CCDC7: variants seen among roughly 807,000 people sequenced by gnomAD.
The protein encoded by CCDC7 is coiled-coil domain containing 7, also known as coiled-coil domain-containing protein 7.
Under a neutral mutation model 196.9 loss-of-function variants are expected in CCDC7, and 183 were observed. The ratio of observed to expected loss-of-function variants is 0.93; its 90% confidence interval spans 0.82 to 1.05. The LOEUF (loss-of-function observed/expected upper bound fraction) is 1.05. Among genes scored for constraint, CCDC7 ranks in the 50% least tolerant of loss-of-function variants. The pLI is 0.00. For synonymous variants in CCDC7, 525 were observed against 484.6 expected, an observed-to-expected ratio of 1.08 and a Z score of -1.10; for missense variants, 1,540 against 1,482.2, an observed-to-expected ratio of 1.04 and a Z score of -0.64.
At chr10:32,633,339 C>T (rs969156119) in intron 18 of CCDC7, among the ~76,000 whole-genome samples, 1 of 152,150 alleles carries the variant, frequency 6.6e-6, no homozygotes, top group Non-Finnish European at 1.5e-5. Context: ...TCCAGTTTAT[C>T]CTCTCAGGTC....
intron 22 of CCDC7, among the ~76,000 whole-genome samples, chr10:32,688,036 A>G (rs541473650): frequency 5.3e-5 from 8 of 152,178 alleles, no homozygotes; most frequent in Non-Finnish European, 1.0e-4. Flanking sequence ...ATGATAGCCT[A>G]TAGAGAAAGG....
chr10:32,648,215 G>C (rs2068112399), intron 20 of CCDC7, among the ~76,000 whole-genome samples: 1 of 152,164 alleles, frequency 6.6e-6, no homozygotes, highest in African/African-American at 2.4e-5. Flanking sequence ...GTACCAAACT[G>C]TTTTGGTTAT....
At chr10:32,510,188 GA>G (rs2045890822) in intron 9 of CCDC7, among the ~76,000 whole-genome samples, 1 of 152,144 alleles carries the variant, frequency 6.6e-6, no homozygotes, top group African/African-American at 2.4e-5. Context: ...TCACCCTTAA[GA>G]AATTAGAAAA....
chr10:32,531,314 A>AG (rs1324385483), intron 11 of CCDC7, among the ~76,000 whole-genome samples: 1 of 152,080 alleles, frequency 6.6e-6, no homozygotes, highest in African/African-American at 2.4e-5. Flanking sequence ...TACAGAGATG[A>AG]GGTCTCACTA....
rs866309894 is a variant in CCDC7, at chr10:32,534,455, G to A, written c.994-8845G>A. 5.9e-5 allele frequency among the ~76,000 whole-genome samples: 9 copies of A among 152,218 alleles called. No individual in the cohort carries two copies. The South Asian group carries it at 8.3e-4, about 14-fold the overall frequency. On this transcript the variant is annotated intron_variant, in intron 11 of 41. Coordinates refer to ENST00000639629, the Ensembl canonical transcript of CCDC7. ...GGGAGGTTATGATTTCTTGTTTGCT[G>A]TTGTTTCTTGTGGGTATATGCCTGT...
At chr10:32,804,134 T>C (rs1217905137) in intron 29 of CCDC7, among the ~76,000 whole-genome samples, 2 of 152,184 alleles carry the variant, frequency 1.3e-5, no homozygotes, top group African/African-American at 4.8e-5. Flanking sequence ...AGGTTTCTAG[T>C]AGGCACATGT....
chr10:32,850,557 A>G (rs1014631468), intron 39 of CCDC7, among the ~76,000 whole-genome samples: 4 of 152,178 alleles, frequency 2.6e-5, no homozygotes, highest in African/African-American at 9.7e-5. Context: ...CACTGAAATC[A>G]ATCCACCACA....
At chr10:32,719,498 T>C (rs2082090816) in intron 25 of CCDC7, among the ~76,000 whole-genome samples, 1 of 152,026 alleles carries the variant, frequency 6.6e-6, no homozygotes, top group African/African-American at 2.4e-5. Flanking sequence ...CAAAGGCAAT[T>C]GCAATAAAAG....
exon 23 of CCDC7, chr10:32,689,132 A>G (rs757375448): frequency 1.3e-6 from 2 of 1,599,840 alleles, no homozygotes; most frequent in Non-Finnish European, 1.7e-6. Context: ...AAGTGAAGGA[A>G]CAAAGAACTC....
At chr10:32,879,170 C>T (rs2094697980), downstream of CCDC7, among the ~76,000 whole-genome samples, 1 of 151,742 alleles carries the variant, frequency 6.6e-6, no homozygotes, top group Admixed American at 6.6e-5. Context: ...TCATCCTTAT[C>T]CTTTTTTAAA....
At chr10:32,678,940 A>T (rs11814696) in intron 21 of CCDC7, among the ~76,000 whole-genome samples, 8,085 of 152,236 alleles carry the variant, frequency 0.053, 718 homozygotes, top group African/African-American at 0.18. Flanking sequence ...TGTGGAAGAA[A>T]GAGGGCTGGG....
chr10:32,727,603 G>A (rs1164272604), intron 26 of CCDC7, among the ~76,000 whole-genome samples: 10 of 152,058 alleles, frequency 6.6e-5, no homozygotes, highest in Non-Finnish European at 1.5e-4. Context: ...TGTCTCTACA[G>A]GCATCATTCA....
At chr10:32,785,749 C>G (rs952247299) in intron 29 of CCDC7, among the ~76,000 whole-genome samples, 6 of 152,086 alleles carry the variant, frequency 3.9e-5, no homozygotes, top group Non-Finnish European at 5.9e-5. Context: ...GGAAAGGTGG[C>G]ATTTGTAGTG....
chr10:32,557,326 G>A (rs2370782), intron 13 of CCDC7, among the ~76,000 whole-genome samples: 37,714 of 150,124 alleles, frequency 0.25, 5,336 homozygotes, highest in South Asian at 0.44. Context: ...TTTTACGTGA[G>A]CATGATTTTC....
chr10:32,472,866 G>T (rs778600412), intron 7 of CCDC7, among the ~76,000 whole-genome samples: 3 of 152,270 alleles, frequency 2.0e-5, no homozygotes, highest in African/African-American at 4.8e-5. Flanking sequence ...AAAATGTTGG[G>T]ATTACAGGCA....
intron 21 of CCDC7, among the ~76,000 whole-genome samples, chr10:32,680,269 A>G (rs773083954): frequency 2.6e-5 from 4 of 152,102 alleles, no homozygotes; most frequent in Non-Finnish European, 5.9e-5. Flanking sequence ...CTGCAGCAAT[A>G]AGTTAAGGAA....
intron 21 of CCDC7, among the ~76,000 whole-genome samples, chr10:32,681,883 C>T (rs1159090335): frequency 6.6e-6 from 1 of 151,886 alleles, no homozygotes; most frequent in Non-Finnish European, 1.5e-5. Context: ...CTCTTGGACA[C>T]CTTAAATTCC....
chr10:32,850,919 A>T (rs2093540430), intron 39 of CCDC7, among the ~76,000 whole-genome samples: 1 of 152,090 alleles, frequency 6.6e-6, no homozygotes, highest in South Asian at 2.1e-4. Flanking sequence ...GGCAGTCAAT[A>T]ATCCATACAG....
chr10:32,751,758 C>G (rs1245817088), intron 28 of CCDC7, among the ~76,000 whole-genome samples: 1 of 152,040 alleles, frequency 6.6e-6, no homozygotes, highest in African/African-American at 2.4e-5. Context: ...GTGCTGATAC[C>G]AGTGAATTTT....
Sources: gnomAD v4.1 joint callset for allele counts (sites outside exome capture counted in the v4.1 genomes callset) on GRCh38, gnomAD v4.1.1 for gene constraint, MANE v1.5 for transcripts, NCBI Gene and HGNC (gene_info 2026-07-23, HGNC 2026-07-21) for gene names.